The following PARVB variants were observed in gnomAD, a reference collection of about 807,000 sequenced individuals.
PARVB encodes the protein beta-parvin.
A neutral mutation model predicts 47.0 loss-of-function variants in PARVB; 46 were observed. The ratio of observed to expected loss-of-function variants is 0.98; its 90% CI spans 0.77 to 1.25. The LOEUF is 1.25. Ranked by LOEUF, PARVB falls within the 50% of genes most tolerant of loss-of-function variation. The pLI is 0.00. For synonymous variants in PARVB, 196 were observed against 196.3 expected (o/e 1.00, Z 0.01); for missense variants, 473 against 471.6 (o/e 1.00, Z -0.03).
At position 44,119,034 on chromosome 22, in the gene PARVB, G is replaced by T. The variant is rs749317993; in HGVS notation, c.274-4G>T. 1.9e-6 allele frequency: 3 copies of T among 1,609,928 alleles called. No individual in the cohort carries two copies. Among genetic ancestry groups the T allele is most frequent in the Admixed American group, 3.3e-5 (2 of 60,026 alleles). On this transcript the variant is annotated splice_polypyrimidine_tract_variant and splice_region_variant and intron_variant, in intron 3 of 12. Transcript: ENST00000338758. ...TGAGGCCATAATGCCTGCGTCTCCTGCAGGTCCTCCTCGACTGGATTAATG... is the reference window on the plus strand; with the variant it reads ...TGAGGCCATAATGCCTGCGTCTCCTTCAGGTCCTCCTCGACTGGATTAATG...
At chr22:44,123,205 T>A (rs949049136) in intron 4 of PARVB, among the ~76,000 whole-genome samples, 4 of 152,238 alleles carry the variant, frequency 2.6e-5, no homozygotes, top group African/African-American at 9.6e-5. Flanking sequence ...CCCTTGCTCC[T>A]GCAACACTCC....
intron 1 of PARVB, among the ~76,000 whole-genome samples, chr22:44,053,172 C>T (rs979094233): frequency 6.0e-5 from 9 of 148,996 alleles, no homozygotes; most frequent in Admixed American, 4.0e-4. Flanking sequence ...CAACCTCTGC[C>T]TCCTGGGTTC....
chr22:44,133,068 T>C, intron 6 of PARVB, 59 bp downstream of exon 6: 1 of 1,199,110 alleles, frequency 8.3e-7, no homozygotes. Context: ...AACATCTTCC[T>C]CCTGCAGTTT....
chr22:44,020,327 C>A (rs935387174), upstream of PARVB, among the ~76,000 whole-genome samples: 1 of 152,106 alleles, frequency 6.6e-6, no homozygotes, highest in Admixed American at 6.6e-5. Flanking sequence ...CAGGCATATG[C>A]CATTACACCC....
chr22:44,151,582 T>G (rs765137333), intron 10 of PARVB, 31 bp downstream of exon 10: 3 of 1,521,848 alleles, frequency 2.0e-6, no homozygotes, highest in Non-Finnish European at 2.7e-6. Flanking sequence ...AAGGATCCTT[T>G]GTCCACCGCC....
At chr22:44,122,564 G>GAGAGAC (rs2053088782) in intron 4 of PARVB, among the ~76,000 whole-genome samples, 1 of 41,198 alleles carries the variant, frequency 2.4e-5, no homozygotes, top group Non-Finnish European at 6.1e-5. Flanking sequence ...CACAGAGACA[G>GAGAGAC]AGAGAGAGAG....
chr22:44,097,368 A>T (rs900144663), intron 2 of PARVB, among the ~76,000 whole-genome samples: 1 of 152,132 alleles, frequency 6.6e-6, no homozygotes, highest in Non-Finnish European at 1.5e-5. Flanking sequence ...GAGGTTTGGG[A>T]ATTGCTCCCC....
chr22:44,036,490 A>C (rs1390482659), intron 1 of PARVB, among the ~76,000 whole-genome samples: 1 of 152,082 alleles, frequency 6.6e-6, no homozygotes, highest in Non-Finnish European at 1.5e-5. Flanking sequence ...ATTTTTAAAA[A>C]TATTTCTGGG....
intron 12 of PARVB, among the ~76,000 whole-genome samples, chr22:44,166,199 T>C (rs1324417959): frequency 6.6e-6 from 1 of 152,132 alleles, no homozygotes; most frequent in Non-Finnish European, 1.5e-5. Context: ...AATCTCCGCC[T>C]CCTAGGTTCA....
intron 1 of PARVB, among the ~76,000 whole-genome samples, chr22:44,038,901 G>A (rs531017703): frequency 2.0e-5 from 3 of 152,294 alleles, no homozygotes; most frequent in African/African-American, 4.8e-5. Flanking sequence ...GAGAACTTCC[G>A]CAACTCAAGA....
At chr22:44,147,509 G>A (rs2053710726) in intron 8 of PARVB, 3 of 385,888 alleles carry the variant, frequency 7.8e-6, no homozygotes, top group South Asian at 2.0e-5. Context: ...CAAGGAGTGT[G>A]GGAACAGGGA....
intron 1 of PARVB, among the ~76,000 whole-genome samples, chr22:44,055,662 C>CTT (rs1336117985): frequency 7.8e-4 from 93 of 119,058 alleles, no homozygotes; most frequent in Non-Finnish European, 1.1e-3. Flanking sequence ...ATCCATCTCT[C>CTT]TCTCTCTCTC....
intron 1 of PARVB, among the ~76,000 whole-genome samples, 178 bp from the exon 2 acceptor site, chr22:44,093,750 G>A (rs566002520): frequency 2.0e-5 from 3 of 152,238 alleles, no homozygotes; most frequent in Non-Finnish European, 4.4e-5. Flanking sequence ...ACTGCAGAAT[G>A]TATTCTTGGT....
chr22:44,062,530 G>A (rs565689404), intron 1 of PARVB, among the ~76,000 whole-genome samples: 4 of 152,130 alleles, frequency 2.6e-5, no homozygotes, highest in East Asian at 3.9e-4. Flanking sequence ...CCAGCTACTC[G>A]GGAGACTGAG....
At chr22:44,018,405 A>G (rs1251041202) in intron 2 of PARVB, among the ~76,000 whole-genome samples, 1 of 151,948 alleles carries the variant, frequency 6.6e-6, no homozygotes, top group Non-Finnish European at 1.5e-5. Flanking sequence ...TCCATCTCAA[A>G]CAAACAAACA....
chr22:44,159,819 G>A (rs554108892), intron 11 of PARVB, among the ~76,000 whole-genome samples: 3 of 152,266 alleles, frequency 2.0e-5, no homozygotes, highest in Admixed American at 6.5e-5. Flanking sequence ...AACTGCTTGC[G>A]GATGGGATGT....
intron 3 of PARVB, among the ~76,000 whole-genome samples, chr22:44,116,643 ATAGACC>A (rs911983439): frequency 2.0e-5 from 3 of 152,194 alleles, no homozygotes; most frequent in African/African-American, 7.2e-5. Flanking sequence ...TTCTGGCCTC[ATAGACC>A]TTGGAGTCTA....
In PARVB at chr22:44,147,915, TGAAGAAGGTGAGCTATTGGTGG is replaced by T; in HGVS notation, c.770_774+17del. The stretch of plus-strand genomic sequence containing the variant: ...CACGCCCCGGATAAGCTCAGCGTGG[TGAAGAAGGTGAGCTATTGGTGG>T]GATGTTGGATGTGCTCTCCCCTGGC... On this transcript the variant is annotated splice_donor_variant and splice_donor_5th_base_variant and coding_sequence_variant and intron_variant, in exon 9 of 13. Coordinates refer to ENST00000338758, the MANE Select transcript of PARVB (RefSeq NM_013327.5). LOFTEE classifies it high-confidence loss of function. 6.2e-7 allele frequency: 1 copy of T among 1,613,874 alleles called. No individual in the cohort carries two copies. Among genetic ancestry groups the T allele is most frequent in the Non-Finnish European group, 8.5e-7 (1 of 1,179,836 alleles).
intron 4 of PARVB, among the ~76,000 whole-genome samples, chr22:44,123,369 A>G (rs1021730013): frequency 6.6e-6 from 1 of 151,908 alleles, no homozygotes; most frequent in African/African-American, 2.4e-5. Flanking sequence ...TGAGGTACAT[A>G]ATTTTGAGAG....
Sources: allele counts gnomAD v4.1 joint callset (sites outside exome capture counted in the v4.1 genomes callset), GRCh38; gene constraint gnomAD v4.1.1; transcripts MANE v1.5; gene names NCBI Gene and HGNC (gene_info 2026-07-23, HGNC 2026-07-21).